The following EEIG2 variants were observed in gnomAD, a reference collection of about 807,000 sequenced individuals.
EEIG2 encodes family with sequence similarity 102 member B.
chr1:108,581,798 T>C, the EEIG2 span, among the ~76,000 whole-genome samples: 1 of 152,206 alleles, frequency 6.6e-6, no homozygotes, highest in Non-Finnish European at 1.5e-5. Context: ...ATTGTTAAAC[T>C]CACAGCAAAG....
At chr1:108,614,836 C>G in the EEIG2 span, among the ~76,000 whole-genome samples, 1 of 152,166 alleles carries the variant, frequency 6.6e-6, no homozygotes, top group Non-Finnish European at 1.5e-5. Flanking sequence ...CAACTACTGT[C>G]CCACATCTCT....
chr1:108,607,147 G>A, the EEIG2 span, among the ~76,000 whole-genome samples: 5 of 152,208 alleles, frequency 3.3e-5, no homozygotes, highest in Admixed American at 1.3e-4. Context: ...ACTGAAGAAC[G>A]TCATCAAGAA....
At chr1:108,568,128 A>T in the EEIG2 span, among the ~76,000 whole-genome samples, 1 of 152,330 alleles carries the variant, frequency 6.6e-6, no homozygotes, top group Admixed American at 6.5e-5. Flanking sequence ...TCTTATAAAA[A>T]TAGTATTAAT....
the EEIG2 span, among the ~76,000 whole-genome samples, chr1:108,591,236 TA>T: frequency 6.6e-6 from 1 of 152,238 alleles, no homozygotes; most frequent in South Asian, 2.1e-4. Context: ...GGTCGCAAAC[TA>T]ACTTTGCTAC....
the EEIG2 span, among the ~76,000 whole-genome samples, chr1:108,582,177 CT>C: frequency 1.3e-5 from 2 of 152,090 alleles, no homozygotes; most frequent in African/African-American, 2.4e-5. Context: ...CTGTTATACA[CT>C]TAATAGACTA....
At chr1:108,635,454 A>G in the EEIG2 span, 216 of 288,164 alleles carry the variant, frequency 7.5e-4, 4 homozygotes, top group East Asian at 0.01. Context: ...AGAAAACAGC[A>G]TTATATACAT....
At chr1:108,629,507 T>C in the EEIG2 span, 2 of 983,814 alleles carry the variant, frequency 2.0e-6, no homozygotes, top group African/African-American at 3.3e-5. Flanking sequence ...AATTGTAAAA[T>C]ATGAATTATT....
the EEIG2 span, chr1:108,629,696 A>G: frequency 1.3e-6 from 2 of 1,484,216 alleles, no homozygotes; most frequent in Non-Finnish European, 1.9e-6. Flanking sequence ...AATATAGACT[A>G]ATTTTTTTAA....
chr1:108,579,864 A>G, the EEIG2 span, among the ~76,000 whole-genome samples: 1 of 151,082 alleles, frequency 6.6e-6, no homozygotes, highest in African/African-American at 2.4e-5. Context: ...TGCAGCCTTG[A>G]ACTCCTAGGC....
At chr1:108,600,065 A>G in the EEIG2 span, among the ~76,000 whole-genome samples, 1 of 152,234 alleles carries the variant, frequency 6.6e-6, no homozygotes, top group Non-Finnish European at 1.5e-5. Flanking sequence ...GCATATGGTA[A>G]GCTCTCAATA....
At chr1:108,635,160 C>T in the EEIG2 span, 27 of 1,614,008 alleles carry the variant, frequency 1.7e-5, no homozygotes, top group Middle Eastern at 4.9e-4. Context: ...GAAGTCAAGT[C>T]GGTGAAAACA....
chr1:108,606,351 C>T, the EEIG2 span: 1 of 739,116 alleles, frequency 1.4e-6, no homozygotes, highest in Admixed American at 3.2e-5. Flanking sequence ...AATATCTGTT[C>T]AAGCTTGGCT....
the EEIG2 span, among the ~76,000 whole-genome samples, chr1:108,564,872 G>A: frequency 1.3e-5 from 2 of 151,982 alleles, no homozygotes; most frequent in African/African-American, 2.4e-5. Context: ...GCTTGAACCC[G>A]GGAGGCAGAG....
chr1:108,619,388 ACATT>A, the EEIG2 span, among the ~76,000 whole-genome samples: 1 of 152,234 alleles, frequency 6.6e-6, no homozygotes, highest in Non-Finnish European at 1.5e-5. Context: ...AAATTCTAAC[ACATT>A]CATACACTTG....
At chr1:108,560,316 C>A in the EEIG2 span, 13 of 864,262 alleles carry the variant, frequency 1.5e-5, no homozygotes, top group Non-Finnish European at 1.8e-5. Flanking sequence ...CCGGCCGCGC[C>A]CCCGCGCACA....
At chr1:108,601,100 A>G in the EEIG2 span, among the ~76,000 whole-genome samples, 6 of 152,190 alleles carry the variant, frequency 3.9e-5, no homozygotes, top group Non-Finnish European at 7.3e-5. Flanking sequence ...TTACTTGCCC[A>G]AATTTACATA....
At chr1:108,632,946 A>ACT in the EEIG2 span, among the ~76,000 whole-genome samples, 265 of 132,176 alleles carry the variant, frequency 2.0e-3, no homozygotes, top group Non-Finnish European at 3.4e-3. Context: ...CATGCCCAGC[A>ACT]TTTTTTTTTT....
chr1:108,579,772 T>TGTGTGTGAGAGAGAGAGAGAGAGAGAGA, the EEIG2 span, among the ~76,000 whole-genome samples: 53 of 58,854 alleles, frequency 9.0e-4, no homozygotes, highest in Non-Finnish European at 1.3e-3. Flanking sequence ...TGTGTGTGTG[T>TGTGTGTGAGAGAGAGAGAGAGAGAGAGA]GAGAGAGAGA....
chr1:108,570,178 A>G, the EEIG2 span, among the ~76,000 whole-genome samples: 2 of 152,226 alleles, frequency 1.3e-5, no homozygotes, highest in Non-Finnish European at 2.9e-5. Context: ...GGGAAGTGTC[A>G]TGGAAGAGAA....
Sources: gnomAD v4.1 joint callset for allele counts (sites outside exome capture counted in the v4.1 genomes callset) on GRCh38, gnomAD v4.1.1 for gene constraint, MANE v1.5 for transcripts, NCBI Gene and HGNC (gene_info 2026-07-23, HGNC 2026-07-21) for gene names.